Variants in CCDC148 observed in about 807,000 individuals in gnomAD.
CCDC148 encodes coiled-coil domain-containing protein 148.
In CCDC148, 89 loss-of-function variants were observed where a neutral mutation model predicts 85.7. The observed-to-expected ratio is 1.04, with a 90% CI of 0.87 to 1.24. CCDC148 has a LOEUF of 1.24. CCDC148 is among the 50% of genes most tolerant of loss of function. The pLI is 0.00. For synonymous variants in CCDC148, 230 were observed against 213.9 expected, an observed-to-expected ratio of 1.08 and a Z score of -0.66; for missense variants, 692 against 671.7, an observed-to-expected ratio of 1.03 and a Z score of -0.33.
intron 1 of CCDC148, among the ~76,000 whole-genome samples, chr2:158,374,848 A>C (rs1213719242): frequency 6.6e-6 from 1 of 152,018 alleles, no homozygotes; most frequent in African/African-American, 2.4e-5. Context: ...AGTGTCTCAT[A>C]GAAAATGGTG....
At chr2:158,241,512 T>C (rs17194382) in intron 10 of CCDC148, among the ~76,000 whole-genome samples, 25,056 of 152,056 alleles carry the variant, frequency 0.16, 2,653 homozygotes, top group Middle Eastern at 0.25. Flanking sequence ...TCTCTTATAA[T>C]TGCATGAGGT....
At chr2:158,375,583 T>C (rs1468641231) in intron 1 of CCDC148, among the ~76,000 whole-genome samples, 3 of 152,128 alleles carry the variant, frequency 2.0e-5, no homozygotes, top group Non-Finnish European at 4.4e-5. Context: ...TAGGTACTAA[T>C]ATTCATTCTA....
intron 10 of CCDC148, among the ~76,000 whole-genome samples, chr2:158,227,457 T>A (rs1447336006): frequency 1.3e-5 from 2 of 152,132 alleles, no homozygotes; most frequent in African/African-American, 4.8e-5. Context: ...AAAAAACTAC[T>A]TTGAAGTTCA....
intron 9 of CCDC148, among the ~76,000 whole-genome samples, chr2:158,307,608 G>A (rs1474104556): frequency 6.6e-6 from 1 of 152,178 alleles, no homozygotes; most frequent in Non-Finnish European, 1.5e-5. Context: ...GTTCAAGAAT[G>A]TTGATAGTGC....
intron 1 of CCDC148, among the ~76,000 whole-genome samples, chr2:158,376,027 A>G (rs2105283952): frequency 6.6e-6 from 1 of 152,240 alleles, no homozygotes; most frequent in Non-Finnish European, 1.5e-5. Context: ...TCCTCAACTG[A>G]GATAGACTGG....
intron 10 of CCDC148, among the ~76,000 whole-genome samples, chr2:158,246,695 A>G (rs1231636928): frequency 6.6e-6 from 1 of 152,212 alleles, no homozygotes; most frequent in Non-Finnish European, 1.5e-5. Context: ...AAAGTCACAT[A>G]GGACTTGTCC....
intron 7 of CCDC148, among the ~76,000 whole-genome samples, chr2:158,328,643 GCTC>G (rs1407787866): frequency 4.6e-5 from 7 of 152,056 alleles, no homozygotes; most frequent in South Asian, 2.1e-4. Context: ...GTGTAAAAGT[GCTC>G]CTATTTCTCC....
At chr2:158,251,438 T>C (rs1688789821) in intron 9 of CCDC148, among the ~76,000 whole-genome samples, 1 of 151,896 alleles carries the variant, frequency 6.6e-6, no homozygotes, top group African/African-American at 2.4e-5. Flanking sequence ...GTATACTTGC[T>C]ACAGCCTTTC....
At chr2:158,330,513 C>A (rs1006241606) in intron 7 of CCDC148, among the ~76,000 whole-genome samples, 1 of 152,146 alleles carries the variant, frequency 6.6e-6, no homozygotes, top group African/African-American at 2.4e-5. Context: ...CAGGATGATG[C>A]TGGCCTCATA....
At chr2:158,219,971 T>C (rs965342597) in intron 11 of CCDC148, among the ~76,000 whole-genome samples, 3 of 152,238 alleles carry the variant, frequency 2.0e-5, no homozygotes, top group Admixed American at 6.5e-5. Context: ...ACTTACCCTG[T>C]TCAAATTACT....
At chr2:158,222,904 G>C (rs572276281) in intron 10 of CCDC148, among the ~76,000 whole-genome samples, 1 of 152,254 alleles carries the variant, frequency 6.6e-6, no homozygotes, top group African/African-American at 2.4e-5. Flanking sequence ...GGCAGAAGAC[G>C]GGTGATTTCT....
At chr2:158,220,525 T>C (rs371306350) in intron 11 of CCDC148, 70 bp downstream of exon 11, 6 of 1,031,182 alleles carry the variant, frequency 5.8e-6, no homozygotes, top group East Asian at 2.5e-5. Flanking sequence ...CTGATATTAT[T>C]TATTCTAACA....
intron 1 of CCDC148, among the ~76,000 whole-genome samples, chr2:158,453,621 A>G (rs908975427): frequency 6.6e-6 from 1 of 152,184 alleles, no homozygotes; most frequent in Non-Finnish European, 1.5e-5. Context: ...CAGGTATGAC[A>G]AGAGACTCAG....
intron 11 of CCDC148, among the ~76,000 whole-genome samples, chr2:158,183,905 AG>A (rs796365065): frequency 1.4e-4 from 22 of 152,248 alleles, no homozygotes; most frequent in African/African-American, 5.3e-4. Context: ...TACTAAGCAG[AG>A]GGGACCCCTT....
At chr2:158,430,691 A>T (rs1687305996) in intron 1 of CCDC148, among the ~76,000 whole-genome samples, 1 of 152,172 alleles carries the variant, frequency 6.6e-6, no homozygotes, top group South Asian at 2.1e-4. Context: ...TGATTATATG[A>T]ATGTATCAAA....
chr2:158,211,187 TA>T (rs144016017), intron 11 of CCDC148, among the ~76,000 whole-genome samples: 3,371 of 150,176 alleles, frequency 0.022, 48 homozygotes, highest in East Asian at 0.069. Context: ...AGTATAATAA[TA>T]AAAAAAAAGA....
In CCDC148 at chr2:158,309,468, T is replaced by G; in HGVS notation, c.1075A>C (p.Lys359Gln). ...AGATCAGCACACAATTCCTGTTGCT[T>G]TTTCTTGTCCTTAGCCAACATGCTC... ...MESMLAKDKK[K>Q]QQELCADLKA... The change falls in exon 9 of 14, where the codon AAG (lysine) becomes CAG (glutamine). Residue 359 changes from lysine (K) to glutamine (Q), a missense_variant. Coordinates refer to ENST00000283233, the MANE Select transcript of CCDC148 (RefSeq NM_138803.4). The G allele has an allele frequency of 6.2e-7, 1 of 1,614,154 alleles. No individual in the cohort carries two copies.
chr2:158,436,854 C>T (rs560153870), intron 1 of CCDC148, among the ~76,000 whole-genome samples: 12 of 152,242 alleles, frequency 7.9e-5, no homozygotes, highest in East Asian at 1.9e-4. Flanking sequence ...AACACCTCTA[C>T]GGAAATAAAC....
intron 11 of CCDC148, among the ~76,000 whole-genome samples, chr2:158,193,347 A>C (rs1026914678): frequency 3.9e-5 from 6 of 152,146 alleles, no homozygotes; most frequent in Non-Finnish European, 7.4e-5. Flanking sequence ...TCTGCAAATA[A>C]GACAACTGTC....
Sources: allele counts gnomAD v4.1 joint callset (sites outside exome capture counted in the v4.1 genomes callset), GRCh38; gene constraint gnomAD v4.1.1; transcripts MANE v1.5; gene names NCBI Gene and HGNC (gene_info 2026-07-23, HGNC 2026-07-21).